The following ADGRA3 variants were observed in gnomAD, a reference collection of about 807,000 sequenced individuals.
The protein encoded by ADGRA3 is adhesion G protein-coupled receptor A3, also known as G-protein coupled receptor 125.
ADGRA3 carries 56 observed loss-of-function variants against 119.8 expected under a neutral mutation model. That is an observed-to-expected ratio of 0.47 (90% CI 0.38 to 0.58). ADGRA3 has a LOEUF of 0.58. Ranked by LOEUF, ADGRA3 falls within the 20% of genes least tolerant of loss-of-function variation. The probability of loss-of-function intolerance (pLI) is 0.00; values close to 1 mark genes in which losing one functional copy is unlikely to be tolerated. For missense variants in ADGRA3, 1,516 were observed against 1,649.0 expected (o/e 0.92, Z 1.40); for synonymous variants, 607 against 623.8 (o/e 0.97, Z 0.40).
At chr4:22,404,047 A>G (rs1714785516) in intron 14 of ADGRA3, among the ~76,000 whole-genome samples, 2 of 152,184 alleles carry the variant, frequency 1.3e-5, no homozygotes, top group Non-Finnish European at 2.9e-5. Flanking sequence ...AGACCAAAGC[A>G]AGTTGGAAAG....
chr4:22,397,752 C>T (rs962115906), intron 16 of ADGRA3, among the ~76,000 whole-genome samples: 9 of 152,090 alleles, frequency 5.9e-5, no homozygotes, highest in African/African-American at 1.7e-4. Flanking sequence ...CCTGCACATG[C>T]GCTCTCTTGC....
At chr4:22,422,365 G>T (rs7664449) in intron 11 of ADGRA3, among the ~76,000 whole-genome samples, 149,001 of 152,320 alleles carry the variant, frequency 0.98, 72,906 homozygotes, top group Non-Finnish European at 0.99. Flanking sequence ...ATGCATGTGA[G>T]AGAAAATAAT....
intron 2 of ADGRA3, among the ~76,000 whole-genome samples, chr4:22,468,010 A>G (rs1717722578): frequency 6.6e-6 from 1 of 152,242 alleles, no homozygotes; most frequent in Non-Finnish European, 1.5e-5. Flanking sequence ...TGGCTTGAAC[A>G]ATCACAAAAG....
Position 22,450,246 on chromosome 4 carries a change from C to T in ADGRA3, c.474-2735G>A, listed in dbSNP as rs950870007. On this transcript the variant is annotated intron_variant, in intron 4 of 18. Coordinates refer to ENST00000334304, the MANE Select transcript of ADGRA3 (RefSeq NM_145290.4). ...ATGGAGCAGCAGGTAAGTTACCCAC[C>T]CACCCCCATCCTTTATGCTTCTTTT... 2.6e-5 allele frequency among the ~76,000 whole-genome samples: 4 copies of T among 151,692 alleles called. No homozygotes were observed. The East Asian group carries it at 7.8e-4, about 29-fold the overall frequency.
chr4:22,491,816 T>C (rs1170554944), intron 1 of ADGRA3, among the ~76,000 whole-genome samples: 1 of 152,196 alleles, frequency 6.6e-6, no homozygotes, highest in East Asian at 1.9e-4. Context: ...ATCACAACAG[T>C]CTTAAACAAA....
intron 14 of ADGRA3, among the ~76,000 whole-genome samples, chr4:22,411,300 G>C (rs977468679): frequency 1.3e-5 from 2 of 152,124 alleles, no homozygotes; most frequent in East Asian, 3.8e-4. Flanking sequence ...ATACTTTAAC[G>C]CTTCATGCTT....
intron 14 of ADGRA3, among the ~76,000 whole-genome samples, chr4:22,411,971 T>C (rs576800105): frequency 6.6e-6 from 1 of 152,078 alleles, no homozygotes; most frequent in African/African-American, 2.4e-5. Context: ...AAAAAAAACA[T>C]ACAAGAGTCA....
intron 3 of ADGRA3, among the ~76,000 whole-genome samples, chr4:22,456,680 G>C (rs1717250881): frequency 2.0e-5 from 3 of 152,028 alleles, no homozygotes; most frequent in African/African-American, 7.2e-5. Flanking sequence ...CCTATTGTGG[G>C]ACCTCTCTCC....
chr4:22,505,797 C>T (rs979311119), intron 1 of ADGRA3, among the ~76,000 whole-genome samples: 10 of 152,022 alleles, frequency 6.6e-5, no homozygotes, highest in Admixed American at 2.6e-4. Flanking sequence ...AGATATTGAA[C>T]AGCTAGAAGG....
At chr4:22,494,566 G>A (rs1184827318) in intron 1 of ADGRA3, among the ~76,000 whole-genome samples, 2 of 151,826 alleles carry the variant, frequency 1.3e-5, no homozygotes, top group African/African-American at 4.9e-5. Context: ...AACAATTTGA[G>A]AACCTCCTGA....
intron 7 of ADGRA3, among the ~76,000 whole-genome samples, chr4:22,440,565 G>A (rs1716572123): frequency 6.6e-6 from 1 of 151,924 alleles, no homozygotes; most frequent in Non-Finnish European, 1.5e-5. Context: ...AAAAATGTTA[G>A]GTTAACTTGT....
At chr4:22,473,505 T>C (rs1717928633) in intron 2 of ADGRA3, among the ~76,000 whole-genome samples, 1 of 152,214 alleles carries the variant, frequency 6.6e-6, no homozygotes, top group Non-Finnish European at 1.5e-5. Context: ...TGGCTTATTA[T>C]CTAAGGCTGC....
At chr4:22,484,505 T>G (rs1327268935) in intron 1 of ADGRA3, among the ~76,000 whole-genome samples, 1 of 150,836 alleles carries the variant, frequency 6.6e-6, no homozygotes, top group Non-Finnish European at 1.5e-5. Context: ...CTAGGAAGGC[T>G]GAAGCAAGAG....
chr4:22,501,921 G>A (rs991878476), intron 1 of ADGRA3, among the ~76,000 whole-genome samples: 2 of 38,632 alleles, frequency 5.2e-5, no homozygotes, highest in African/African-American at 2.7e-4. Flanking sequence ...ACTCGAATGT[G>A]TAATTTTTTT....
At chr4:22,476,845 TTAG>T (rs1718062696) in intron 1 of ADGRA3, among the ~76,000 whole-genome samples, 1 of 152,044 alleles carries the variant, frequency 6.6e-6, no homozygotes, top group Non-Finnish European at 1.5e-5. Flanking sequence ...TTTTGTATTT[TTAG>T]TAGAGACAGG....
In ADGRA3 at chr4:22,515,789, C is replaced by T; in HGVS notation, c.-5G>A. 1.0e-6 allele frequency: 1 copy of T among 1,002,524 alleles called. No homozygotes were observed. Among genetic ancestry groups the T allele is most frequent in the South Asian group, 4.5e-5 (1 of 22,326 alleles). 62.1% of individuals were successfully genotyped at this position (1,002,524 alleles called of 1,614,324 possible). On this transcript the variant is annotated 5_prime_UTR_variant, in exon 1 of 19. Coordinates refer to ENST00000334304, the MANE Select transcript of ADGRA3 (RefSeq NM_145290.4). ...CCGGCGTCCGGGTGGCTCCATGCTG[C>T]GGGCCGGGGCCTGCGGGGCGAGCGG...
chr4:22,431,238 A>G (rs1484222611), intron 10 of ADGRA3, among the ~76,000 whole-genome samples: 2 of 90,970 alleles, frequency 2.2e-5, no homozygotes, highest in East Asian at 6.2e-4. Context: ...AGAATGATAG[A>G]TCCACCAACA....
chr4:22,419,175 C>T (rs1444694015), intron 12 of ADGRA3, among the ~76,000 whole-genome samples: 3 of 151,552 alleles, frequency 2.0e-5, no homozygotes, highest in African/African-American at 4.9e-5. Context: ...CACACACCAG[C>T]ATATGCTCCC....
rs538112930 is a variant in ADGRA3 at position 22,425,455 on chromosome 4, T to G, written c.1444-1103A>C. 5.3e-5 allele frequency among the ~76,000 whole-genome samples: 8 copies of G among 152,240 alleles called. No individual in the cohort carries two copies. The South Asian group carries it at 1.5e-3, about 28-fold the overall frequency. ...ACTCATACGTCTCACCTGAGAGAAATAAATTGAACCGTCTAGGGCTAATGA... is the reference window on the plus strand; with the variant it reads ...ACTCATACGTCTCACCTGAGAGAAAGAAATTGAACCGTCTAGGGCTAATGA... On this transcript the variant is annotated intron_variant, in intron 10 of 18. Transcript: ENST00000334304.
Sources: gnomAD v4.1 joint callset for allele counts (sites outside exome capture counted in the v4.1 genomes callset) on GRCh38, gnomAD v4.1.1 for gene constraint, MANE v1.5 for transcripts, NCBI Gene and HGNC (gene_info 2026-07-23, HGNC 2026-07-21) for gene names.